The following SLC9A8 variants were observed in gnomAD, a reference collection of about 807,000 sequenced individuals.
SLC9A8 encodes solute carrier family 9 member A8.
In SLC9A8, 48 loss-of-function variants were observed where a neutral mutation model predicts 66.6. The observed-to-expected ratio is 0.72, with a 90% CI of 0.57 to 0.92. SLC9A8 has a LOEUF of 0.92. Among genes scored for constraint, SLC9A8 ranks in the 40% least tolerant of loss-of-function variants. The pLI is 0.00. For synonymous variants in SLC9A8, 274 were observed against 282.6 expected, an observed-to-expected ratio of 0.97 and a Z score of 0.31; for missense variants, 599 against 747.3, an observed-to-expected ratio of 0.80 and a Z score of 2.31.
chr20:49,887,838 CACGGGCG>C lies in SLC9A8; in HGVS notation c.1649_1655del (p.His550ProfsTer4), dbSNP rs1294618421. 1 of 1,607,068 alleles carries C rather than the reference CACGGGCG, an allele frequency of 6.2e-7. No homozygotes were observed. The highest frequency in any genetic ancestry group is 8.5e-7 in the Non-Finnish European group (1 of 1,176,036). The stretch of plus-strand genomic sequence containing the variant: ...GTGTCTCTCGACCCAGGACCTGCAC[CACGGGCG>C]CATCCAGATGAAAACTCTCACCAAC... On this transcript the variant is annotated frameshift_variant, in exon 16 of 16. Transcript: ENST00000361573. LOFTEE classifies it high-confidence loss of function.
At chr20:49,861,312 G>A (rs1384189805) in intron 8 of SLC9A8, among the ~76,000 whole-genome samples, 4 of 152,202 alleles carry the variant, frequency 2.6e-5, no homozygotes, top group African/African-American at 9.6e-5. Context: ...GGGATGTTGA[G>A]GCAGGCGAAT....
rs755522205 is a variant in SLC9A8 at position 49,874,753 on chromosome 20, A to G, written c.1007A>G (p.His336Arg). ...FSGIVMSHYT[H>R]HNLSPVTQIL... is the part of the protein sequence containing the mutation. Reference sequence around the variant, plus strand: ...GGCATCGTGATGTCCCACTACACGCACCATAACCTCTCCCCAGTCACCCAG... The same window carrying G: ...GGCATCGTGATGTCCCACTACACGCGCCATAACCTCTCCCCAGTCACCCAG... Residue 336 changes from histidine (H) to arginine (R), a missense_variant, in exon 11 of 16, where the codon CAC becomes CGC. By Grantham distance (29) the His-to-Arg change is conservative. Around this residue, in one of 2 missense-constraint regions of SLC9A8, gnomAD observed 467 missense variants for 626.5 expected, o/e 0.75. Coordinates refer to ENST00000361573, the MANE Select transcript of SLC9A8 (RefSeq NM_015266.3). 6.2e-7 allele frequency: 1 copy of G among 1,613,840 alleles called. No individual in the cohort carries two copies.
At chr20:49,842,066 T>A (rs1192363944) in intron 4 of SLC9A8, among the ~76,000 whole-genome samples, 2 of 150,914 alleles carry the variant, frequency 1.3e-5, no homozygotes, top group Non-Finnish European at 3.0e-5. Flanking sequence ...TTTATTTTTT[T>A]TTTTTTGCTG....
At chr20:49,869,238 G>C (rs2089094907) in intron 10 of SLC9A8, among the ~76,000 whole-genome samples, 1 of 151,690 alleles carries the variant, frequency 6.6e-6, no homozygotes, top group Admixed American at 6.6e-5. Flanking sequence ...CTTTCTTTTT[G>C]AGGCAGAGTT....
intron 1 of SLC9A8, among the ~76,000 whole-genome samples, chr20:49,813,223 C>T (rs1031127239): frequency 6.6e-6 from 1 of 152,246 alleles, no homozygotes; most frequent in Non-Finnish European, 1.5e-5. Context: ...ACCATATTTA[C>T]TTTCCCAGTT....
chr20:49,828,510 A>T (rs1213715781), intron 3 of SLC9A8, among the ~76,000 whole-genome samples: 3 of 148,070 alleles, frequency 2.0e-5, no homozygotes, highest in Non-Finnish European at 4.5e-5. Context: ...GCCGTGAGCC[A>T]CTGTGCCTGG....
At chr20:49,855,083 C>T (rs2088415305) in intron 7 of SLC9A8, among the ~76,000 whole-genome samples, 1 of 152,202 alleles carries the variant, frequency 6.6e-6, no homozygotes, top group Admixed American at 6.5e-5. Context: ...GAGCAGAGGT[C>T]AGATGCAGGA....
intron 5 of SLC9A8, among the ~76,000 whole-genome samples, chr20:49,846,612 T>C (rs1343911674): frequency 1.3e-5 from 2 of 152,058 alleles, no homozygotes; most frequent in African/African-American, 2.4e-5. Context: ...GTAGTAATAA[T>C]AATTTATTAA....
chr20:49,835,558 TTCTG>T (rs2087496651), intron 3 of SLC9A8, among the ~76,000 whole-genome samples: 1 of 152,010 alleles, frequency 6.6e-6, no homozygotes, highest in South Asian at 2.1e-4. Flanking sequence ...CCAATCTACT[TTCTG>T]TCTGTGAATT....
intron 6 of SLC9A8, 107 bp from the exon 7 acceptor site, chr20:49,850,703 A>T: frequency 7.1e-7 from 1 of 1,413,428 alleles, no homozygotes; most frequent in Non-Finnish European, 9.6e-7. Context: ...CTGAAGATTA[A>T]TGTCCTTATT....
intron 3 of SLC9A8, among the ~76,000 whole-genome samples, chr20:49,837,141 C>T (rs2087568504): frequency 1.3e-5 from 2 of 152,182 alleles, no homozygotes; most frequent in African/African-American, 2.4e-5. Flanking sequence ...AAGAATGAAA[C>T]TGTTTGTCTC....
intron 12 of SLC9A8, among the ~76,000 whole-genome samples, chr20:49,880,233 C>T (rs2089575040): frequency 7.2e-6 from 1 of 139,710 alleles, no homozygotes; most frequent in African/African-American, 2.8e-5. Context: ...CACTGCACTC[C>T]AGCATGCGAG....
At chr20:49,867,002 T>C (rs185082579) in intron 10 of SLC9A8, among the ~76,000 whole-genome samples, 2 of 152,364 alleles carry the variant, frequency 1.3e-5, no homozygotes, top group African/African-American at 4.8e-5. Flanking sequence ...TGTTTTCTTC[T>C]ATATTCTGGA....
At chr20:49,878,221 C>T (rs564711833) in intron 12 of SLC9A8, among the ~76,000 whole-genome samples, 158 bp downstream of exon 12, 3 of 150,836 alleles carry the variant, frequency 2.0e-5, no homozygotes, top group Admixed American at 6.6e-5. Context: ...AAAAAAATCA[C>T]AAACATACAG....
chr20:49,850,323 A>G lies in SLC9A8; in HGVS notation c.535-487A>G, dbSNP rs535215046. ...TATTATGCATGTCCATGCATGTCAC[A>G]TTCTTTTCCTTTATTGTCAGTTGCA... On this transcript the variant is annotated intron_variant, in intron 6 of 15. Coordinates refer to ENST00000361573, the MANE Select transcript of SLC9A8 (RefSeq NM_015266.3). Among the ~76,000 whole-genome samples the G allele has an allele frequency of 3.9e-5, 6 of 152,370 alleles. No individual in the cohort carries two copies. The East Asian group carries it at 5.8e-4, about 15-fold the overall frequency.
intron 3 of SLC9A8, chr20:49,830,342 C>T (rs1382499247): frequency 1.1e-6 from 1 of 949,414 alleles, no homozygotes; most frequent in Non-Finnish European, 1.7e-6. Flanking sequence ...GTGATTTGTT[C>T]ATCTAGGAGG....
chr20:49,831,113 C>G (rs1247761029), intron 3 of SLC9A8: 2 of 587,212 alleles, frequency 3.4e-6, no homozygotes, highest in Admixed American at 2.4e-5. Flanking sequence ...CCCCAGCCCT[C>G]TAATCTCTCC....
At chr20:49,843,634 A>G in intron 4 of SLC9A8, among the ~76,000 whole-genome samples, 1 of 152,184 alleles carries the variant, frequency 6.6e-6, no homozygotes, top group South Asian at 2.1e-4. Context: ...CCAAAATTCT[A>G]CCAACAACTA....
intron 10 of SLC9A8, among the ~76,000 whole-genome samples, chr20:49,871,685 C>T (rs2089211686): frequency 6.6e-6 from 1 of 152,150 alleles, no homozygotes; most frequent in African/African-American, 2.4e-5. Context: ...TGCTGACCCT[C>T]TTTCCTTTCG....
Sources: allele counts gnomAD v4.1 joint callset (sites outside exome capture counted in the v4.1 genomes callset), GRCh38; gene constraint gnomAD v4.1.1; regional missense constraint gnomAD v4.1.1; transcripts MANE v1.5; gene names NCBI Gene and HGNC (gene_info 2026-07-23, HGNC 2026-07-21).